Variants in MCTP1 observed in about 807,000 individuals in gnomAD.
MCTP1 encodes the protein multiple C2 and transmembrane domain containing 1, also known as multiple C2 and transmembrane domain-containing protein 1.
Under a neutral mutation model 120.6 loss-of-function variants are expected in MCTP1, and 69 were observed. The observed-to-expected ratio is 0.57, with a 90% CI of 0.47 to 0.70. The LOEUF (loss-of-function observed/expected upper bound fraction) is 0.70. Among genes scored for constraint, MCTP1 ranks in the 30% least tolerant of loss-of-function variants. MCTP1 has a pLI of 0.00. For missense variants in MCTP1, 1,203 were observed against 1,248.8 expected (o/e 0.96, Z 0.55); for synonymous variants, 529 against 493.1 (o/e 1.07, Z -0.96).
chr5:94,756,871 A>C (rs1434495796), intron 19 of MCTP1, among the ~76,000 whole-genome samples: 1 of 152,078 alleles, frequency 6.6e-6, no homozygotes, highest in East Asian at 1.9e-4. Flanking sequence ...AGTTCTGATT[A>C]CTAGAATTTA....
chr5:95,036,915 C>CTCACTCACTCAT (rs1306728149), intron 1 of MCTP1, among the ~76,000 whole-genome samples: 1 of 151,780 alleles, frequency 6.6e-6, no homozygotes, highest in Non-Finnish European at 1.5e-5. Flanking sequence ...CATTCTTTCA[C>CTCACTCACTCAT]TCACTCACTC....
At chr5:94,909,409 T>C (rs1349608796) in intron 9 of MCTP1, 28 bp from the exon 10 acceptor site, 1 of 1,566,380 alleles carries the variant, frequency 6.4e-7, no homozygotes, top group Non-Finnish European at 8.6e-7. Flanking sequence ...AATTGTCATA[T>C]TGCTAGCAGC....
chr5:94,920,742 A>AAAATAAATAAATAAAT (rs113227976), intron 7 of MCTP1, among the ~76,000 whole-genome samples: 73 of 142,114 alleles, frequency 5.1e-4, no homozygotes, highest in East Asian at 1.2e-3. Flanking sequence ...ATTCCGTCTC[A>AAAATAAATAAATAAAT]AAATAAATAA....
intron 1 of MCTP1, among the ~76,000 whole-genome samples, chr5:95,130,222 G>A (rs890981722): frequency 2.6e-5 from 4 of 152,104 alleles, no homozygotes; most frequent in African/African-American, 9.7e-5. Flanking sequence ...ATCTATCTAT[G>A]TAAATCCTAT....
chr5:94,708,862 A>G (rs913388615), intron 21 of MCTP1: 42 of 312,588 alleles, frequency 1.3e-4, no homozygotes, highest in Non-Finnish European at 2.3e-4. Flanking sequence ...TTAATTAGCA[A>G]TATCTTGGTT....
At chr5:95,065,926 A>G (rs1012828151) in intron 1 of MCTP1, among the ~76,000 whole-genome samples, 2 of 152,186 alleles carry the variant, frequency 1.3e-5, no homozygotes, top group African/African-American at 4.8e-5. Flanking sequence ...AACATAAGAA[A>G]AATGCTTTTT....
chr5:94,817,200 C>T (rs1157458674), intron 17 of MCTP1, among the ~76,000 whole-genome samples: 1 of 152,046 alleles, frequency 6.6e-6, no homozygotes, highest in African/African-American at 2.4e-5. Context: ...GTCAGGAAAT[C>T]GAGACCATCC....
At chr5:94,903,049 G>C (rs1349848656) in intron 10 of MCTP1, among the ~76,000 whole-genome samples, 1 of 152,020 alleles carries the variant, frequency 6.6e-6, no homozygotes, top group Non-Finnish European at 1.5e-5. Context: ...TTTTGTTTAG[G>C]TTGAGTTTAT....
intron 1 of MCTP1, among the ~76,000 whole-genome samples, chr5:95,236,967 C>G (rs1755606294): frequency 6.6e-6 from 1 of 152,106 alleles, no homozygotes; most frequent in South Asian, 2.1e-4. Flanking sequence ...TTATTTAAGC[C>G]ATTTTTAGGT....
At chr5:95,119,226 C>T (rs1758030495) in intron 1 of MCTP1, among the ~76,000 whole-genome samples, 1 of 152,048 alleles carries the variant, frequency 6.6e-6, no homozygotes. Context: ...AATCAATAAC[C>T]AGAGGGATTT....
intron 6 of MCTP1, chr5:94,931,021 A>G (rs1454000514): frequency 6.6e-6 from 1 of 152,146 alleles, no homozygotes; most frequent in Admixed American, 6.6e-5. Flanking sequence ...AATGCCATTA[A>G]TGCCATAGGA....
intron 19 of MCTP1, among the ~76,000 whole-genome samples, chr5:94,722,058 T>G (rs915343304): frequency 6.6e-6 from 1 of 152,208 alleles, no homozygotes; most frequent in African/African-American, 2.4e-5. Flanking sequence ...AGTACAGTGA[T>G]TCTTTAATAT....
At chr5:95,200,429 A>G (rs564369892) in intron 1 of MCTP1, among the ~76,000 whole-genome samples, 127 of 152,378 alleles carry the variant, frequency 8.3e-4, no homozygotes, top group Middle Eastern at 3.4e-3. Context: ...CAAAATACCC[A>G]AGACATGAAA....
chr5:94,743,327 A>AG (rs1561558745), intron 19 of MCTP1, among the ~76,000 whole-genome samples: 1 of 151,784 alleles, frequency 6.6e-6, no homozygotes, highest in Non-Finnish European at 1.5e-5. Flanking sequence ...AAAAAAAAAA[A>AG]AGAGAGTCTA....
chr5:94,707,184 C>T lies in MCTP1; in HGVS notation c.*312G>A. The T allele has an allele frequency of 4.7e-6, 1 of 214,242 alleles. No individual in the cohort carries two copies. The highest frequency in any genetic ancestry group is 9.1e-6 in the Non-Finnish European group (1 of 109,466). The allele number at this position is 214,242 out of a possible 1,614,324, so 13.3% of individuals were successfully genotyped here. A position where few individuals can be genotyped will look rare whatever the true frequency, so the allele number is the denominator to read the frequency against. On this transcript the variant is annotated 3_prime_UTR_variant, in exon 23 of 23. Coordinates refer to ENST00000515393, the MANE Select transcript of MCTP1 (RefSeq NM_024717.7). ...TCAGAGCACAGGTGAGTATTTAATCCACTAGTAATTAGATAAGAATATATC... is the reference window on the plus strand; with the variant it reads ...TCAGAGCACAGGTGAGTATTTAATCTACTAGTAATTAGATAAGAATATATC...
At chr5:94,925,432 A>C (rs159025) in intron 6 of MCTP1, among the ~76,000 whole-genome samples, 5 of 151,790 alleles carry the variant, frequency 3.3e-5, no homozygotes, top group African/African-American at 9.7e-5. Flanking sequence ...TTTTTGAGAC[A>C]GAGTCTTGCT....
chr5:95,169,859 T>G (rs1421719312), intron 1 of MCTP1, among the ~76,000 whole-genome samples: 1 of 152,238 alleles, frequency 6.6e-6, no homozygotes, highest in Non-Finnish European at 1.5e-5. Context: ...CTGAATTCAT[T>G]GATTTTTTTA....
At chr5:94,792,428 T>G (rs892718384) in intron 18 of MCTP1, 1 of 152,300 alleles carries the variant, frequency 6.6e-6, no homozygotes, top group African/African-American at 2.4e-5. Context: ...CCTGAGCCTG[T>G]GGACTGGGTG....
At chr5:94,944,582 C>A (rs1275263825) in intron 3 of MCTP1, among the ~76,000 whole-genome samples, 2 of 152,156 alleles carry the variant, frequency 1.3e-5, no homozygotes, top group Admixed American at 6.6e-5. Context: ...AGGTTGAGAG[C>A]TGTGAATCCA....
Sources: gnomAD v4.1 joint callset for allele counts (sites outside exome capture counted in the v4.1 genomes callset) on GRCh38, gnomAD v4.1.1 for gene constraint, MANE v1.5 for transcripts, NCBI Gene and HGNC (gene_info 2026-07-23, HGNC 2026-07-21) for gene names.